The following KCNN2 variants were observed in gnomAD, a reference collection of about 807,000 sequenced individuals.
The protein encoded by KCNN2 is small conductance calcium-activated potassium channel protein 2.
In KCNN2, 24 loss-of-function variants were observed where a neutral mutation model predicts 55.5. The ratio of observed to expected loss-of-function variants is 0.43; its 90% CI spans 0.31 to 0.61. KCNN2 has a LOEUF of 0.61. Among genes scored for constraint, KCNN2 ranks in the 20% least tolerant of loss-of-function variants. The probability of loss-of-function intolerance (pLI) is 0.08; values close to 1 mark genes in which losing one functional copy is unlikely to be tolerated. For missense variants in KCNN2, 754 were observed against 853.6 expected (o/e 0.88, Z 1.45); for synonymous variants, 431 against 336.1 (o/e 1.28, Z -3.09).
intron 1 of KCNN2, among the ~76,000 whole-genome samples, chr5:114,129,865 C>T (rs187184539): frequency 1.5e-4 from 23 of 152,284 alleles, no homozygotes; most frequent in Non-Finnish European, 1.5e-4. Flanking sequence ...ACTGTGTTTC[C>T]TGGTAGAATC....
chr5:114,327,424 T>G (rs533611459), intron 2 of KCNN2, among the ~76,000 whole-genome samples: 1 of 152,342 alleles, frequency 6.6e-6, no homozygotes, highest in African/African-American at 2.4e-5. Flanking sequence ...GGTGCAGTGC[T>G]TTTTGATCTG....
At chr5:114,255,165 A>G (rs1455335129) in intron 2 of KCNN2, among the ~76,000 whole-genome samples, 2 of 152,210 alleles carry the variant, frequency 1.3e-5, no homozygotes, top group African/African-American at 4.8e-5. Context: ...TGGGTATACA[A>G]AGAGAAAAAT....
chr5:114,211,563 G>A (rs1753886410), intron 1 of KCNN2, among the ~76,000 whole-genome samples: 1 of 152,098 alleles, frequency 6.6e-6, no homozygotes, highest in African/African-American at 2.4e-5. Context: ...CCTACCTGAG[G>A]GAGGAGGGTG....
At chr5:114,080,287 G>A (rs1324614581) in intron 1 of KCNN2, among the ~76,000 whole-genome samples, 1 of 152,148 alleles carries the variant, frequency 6.6e-6, no homozygotes, top group Non-Finnish European at 1.5e-5. Flanking sequence ...TTCCTGTTCT[G>A]ATTTTGCTAT....
chr5:114,266,359 C>G (rs1755207086), intron 2 of KCNN2, among the ~76,000 whole-genome samples: 1 of 152,074 alleles, frequency 6.6e-6, no homozygotes, highest in Non-Finnish European at 1.5e-5. Context: ...GTTTTAGACC[C>G]AAGTTACTGA....
intron 3 of KCNN2, among the ~76,000 whole-genome samples, chr5:114,408,057 G>T (rs1222083699): frequency 6.6e-6 from 1 of 152,132 alleles, no homozygotes; most frequent in East Asian, 1.9e-4. Flanking sequence ...AGAAGTACTG[G>T]TGCCAACAGT....
At chr5:114,424,686 A>C (rs1236841139) in intron 3 of KCNN2, among the ~76,000 whole-genome samples, 1 of 152,218 alleles carries the variant, frequency 6.6e-6, no homozygotes, top group Non-Finnish European at 1.5e-5. Flanking sequence ...GCTAGTGGGG[A>C]GGGGTCTCCA....
At chr5:114,440,191 AAG>A (rs1760156115) in intron 3 of KCNN2, among the ~76,000 whole-genome samples, 1 of 152,214 alleles carries the variant, frequency 6.6e-6, no homozygotes, top group African/African-American at 2.4e-5. Flanking sequence ...GAGTCAGAAA[AAG>A]AAAAGAAAAA....
intron 5 of KCNN2, among the ~76,000 whole-genome samples, chr5:114,480,692 G>A (rs985574483): frequency 6.6e-6 from 1 of 152,058 alleles, no homozygotes; most frequent in Non-Finnish European, 1.5e-5. Context: ...TTCATCCCTG[G>A]GATGCAAGAT....
At chr5:114,326,741 G>T (rs941209947) in intron 2 of KCNN2, among the ~76,000 whole-genome samples, 1 of 152,114 alleles carries the variant, frequency 6.6e-6, no homozygotes. Flanking sequence ...CATTTTAAAA[G>T]AAATTTTAGA....
At chr5:114,406,920 C>T (rs572177803) in intron 3 of KCNN2, among the ~76,000 whole-genome samples, 45 of 152,224 alleles carry the variant, frequency 3.0e-4, no homozygotes, top group Middle Eastern at 3.4e-3. Flanking sequence ...TCATGCTTAA[C>T]TGGTAATCAG....
chr5:114,363,539 C>T (rs1277737627), intron 1 of KCNN2, among the ~76,000 whole-genome samples: 1 of 152,200 alleles, frequency 6.6e-6, no homozygotes, highest in African/African-American at 2.4e-5. Context: ...GTGGGGAAAC[C>T]ATCTGTAATT....
At chr5:114,117,780 A>G (rs1485262944) in intron 1 of KCNN2, among the ~76,000 whole-genome samples, 1 of 152,208 alleles carries the variant, frequency 6.6e-6, no homozygotes, top group African/African-American at 2.4e-5. Flanking sequence ...CCCTCATGTC[A>G]TGCAGGGCAC....
chr5:114,404,348 A>G, intron 2 of KCNN2, 90 bp from the exon 3 acceptor site: 1 of 1,025,864 alleles, frequency 9.7e-7, no homozygotes, highest in East Asian at 2.4e-5. Flanking sequence ...GATTGCTAAA[A>G]GTCATCTGTT....
intron 1 of KCNN2, among the ~76,000 whole-genome samples, 185 bp from the exon 2 acceptor site, chr5:114,363,721 G>C (rs891131397): frequency 6.6e-6 from 1 of 152,082 alleles, no homozygotes; most frequent in Non-Finnish European, 1.5e-5. Context: ...GTCTACTCTC[G>C]TCTCTTTTGG....
chr5:114,356,725 T>C lies in KCNN2; in HGVS notation c.-184-4220T>C, dbSNP rs868779771. Reference sequence around the variant, plus strand: ...AATATGCTCATTCATGTCTTGATACTTTATAATCATAAGGCAGAAGTATGA... The same window carrying C: ...AATATGCTCATTCATGTCTTGATACCTTATAATCATAAGGCAGAAGTATGA... On this transcript the variant is annotated intron_variant, in intron 2 of 10. Coordinates refer to the KCNN2 transcript ENST00000512097. Among the ~76,000 whole-genome samples the C allele has an allele frequency of 5.3e-5, 8 of 152,312 alleles. No homozygotes were observed. In the Middle Eastern group the frequency reaches 0.01, roughly 194 times the overall value.
chr5:114,097,786 C>T (rs971657582), intron 1 of KCNN2, among the ~76,000 whole-genome samples: 2 of 152,258 alleles, frequency 1.3e-5, no homozygotes, highest in South Asian at 2.1e-4. Context: ...ATCAAGTGAG[C>T]TGCCATTGGT....
chr5:114,161,510 G>T (rs558280734), intron 1 of KCNN2, among the ~76,000 whole-genome samples: 1 of 151,934 alleles, frequency 6.6e-6, no homozygotes, highest in East Asian at 1.9e-4. Flanking sequence ...GAGTATCTTT[G>T]TGGCGTTCTC....
intron 3 of KCNN2, among the ~76,000 whole-genome samples, chr5:114,451,052 G>C (rs1181826823): frequency 6.6e-6 from 1 of 152,218 alleles, no homozygotes; most frequent in Non-Finnish European, 1.5e-5. Context: ...TTTTAACATA[G>C]TAGTGAAAGT....
Sources: allele counts gnomAD v4.1 joint callset (sites outside exome capture counted in the v4.1 genomes callset), GRCh38; gene constraint gnomAD v4.1.1; transcripts MANE v1.5; gene names NCBI Gene and HGNC (gene_info 2026-07-23, HGNC 2026-07-21).